BCAP29: variants seen among roughly 807,000 people sequenced by gnomAD.
The protein encoded by BCAP29 is B-cell receptor-associated protein 29.
In BCAP29, 34 loss-of-function variants were observed where a neutral mutation model predicts 31.8. The ratio of observed to expected loss-of-function variants is 1.07; its 90% CI spans 0.81 to 1.42. The LOEUF (loss-of-function observed/expected upper bound fraction) is 1.42. BCAP29 is among the 40% of genes most tolerant of loss of function. The pLI is 0.00. For missense variants in BCAP29, 314 were observed against 269.2 expected, an observed-to-expected ratio of 1.17 and a Z score of -1.16; for synonymous variants, 104 against 91.3, an observed-to-expected ratio of 1.14 and a Z score of -0.79.
intron 6 of BCAP29, among the ~76,000 whole-genome samples, chr7:107,608,211 A>T (rs74917300): frequency 0.024 from 3,593 of 152,194 alleles, 140 homozygotes; most frequent in African/African-American, 0.081. Flanking sequence ...AAAAAAAAAA[A>T]AATAAGAAAG....
intron 6 of BCAP29, among the ~76,000 whole-genome samples, chr7:107,604,513 AAAAT>A (rs1370176089): frequency 6.6e-6 from 1 of 152,184 alleles, no homozygotes. Context: ...TATTCATCTA[AAAAT>A]AAATTCTAAG....
rs1290487022 is a variant in BCAP29, at chr7:107,619,952, C to T, written c.*1589C>T. The T allele has an allele frequency of 1.3e-5, 2 of 152,072 alleles. No individual in the cohort carries two copies. Among genetic ancestry groups the T allele is most frequent in the Non-Finnish European group, 2.9e-5 (2 of 68,030 alleles). The allele number at this position is 152,072 out of a possible 1,614,324, so 9.4% of individuals were successfully genotyped here. A position where few individuals can be genotyped will look rare whatever the true frequency, so the allele number is the denominator to read the frequency against. On this transcript the variant is annotated 3_prime_UTR_variant, in exon 8 of 8. Coordinates refer to ENST00000005259, the MANE Select transcript of BCAP29 (RefSeq NM_018844.4). The stretch of plus-strand genomic sequence containing the variant: ...AGCCTAGGCCTCTATTTCCTTGTCT[C>T]CAAAATGAGAATAATAAAATTTAGG...
rs1471860265 is a variant in BCAP29 at position 107,619,927 on chromosome 7, A to T, written c.*1564A>T. ...GCTTTATCACTTATTTAGCCATGCT[A>T]GCCTAGGCCTCTATTTCCTTGTCTC... On this transcript the variant is annotated 3_prime_UTR_variant, in exon 8 of 8. Transcript: ENST00000005259. The T allele has an allele frequency of 6.6e-6, 1 of 152,228 alleles. No individual in the cohort carries two copies. Among genetic ancestry groups the T allele is most frequent in the Non-Finnish European group, 1.5e-5 (1 of 68,036 alleles). 9.4% of individuals were successfully genotyped at this position (152,228 alleles called of 1,614,324 possible).
Position 107,580,787 on chromosome 7 carries a change from G to A in BCAP29, c.15G>A (p.Trp5Ter). Residue 5 changes from tryptophan (W) to a stop codon, truncating the protein, a stop_gained, in exon 2 of 8, where the codon TGG (tryptophan) becomes TGA (stop). Coordinates refer to ENST00000005259, the MANE Select transcript of BCAP29 (RefSeq NM_018844.4). LOFTEE classifies it high-confidence loss of function. The stretch of plus-strand genomic sequence containing the variant: ...TGAAGAAAAAAATGACACTCCAATG[G>A]GCTGCAGTGGCAACCTTTCTTTATG... MTLQ[W>*]AAVATFLYAE... is the part of the protein sequence containing the mutation. The A allele has an allele frequency of 1.3e-6, 2 of 1,598,778 alleles. No individual in the cohort carries two copies. Among genetic ancestry groups the A allele is most frequent in the Non-Finnish European group, 8.5e-7 (1 of 1,173,856 alleles).
chr7:107,581,849 GA>G (rs1806731893), intron 2 of BCAP29, among the ~76,000 whole-genome samples: 2 of 151,952 alleles, frequency 1.3e-5, no homozygotes, highest in African/African-American at 4.8e-5. Context: ...TCTTACTAAA[GA>G]AAAAAAATTG....
downstream of BCAP29, chr7:107,622,070 C>T (rs527685278): frequency 3.9e-5 from 17 of 431,496 alleles, no homozygotes; most frequent in African/African-American, 3.5e-4. Context: ...TTTTCTCCTT[C>T]AACTGTATTT....
At chr7:107,603,349 A>G (rs557246680) in intron 6 of BCAP29, 1 of 152,294 alleles carries the variant, frequency 6.6e-6, no homozygotes, top group African/African-American at 2.4e-5. Context: ...AATATCGTTT[A>G]AAAAGTGATT....
Position 107,613,405 on chromosome 7 carries a change from A to G in BCAP29, c.663A>G (p.Gln221=), listed in dbSNP as rs1813580997. 26 of 1,611,604 alleles carry G rather than the reference A, an allele frequency of 1.6e-5. No individual in the cohort carries two copies. Among genetic ancestry groups the G allele is most frequent in the Non-Finnish European group, 2.1e-5 (25 of 1,178,082 alleles). ...QSERLSKEYD[Q]LLKEHSELQD... is the part of the protein sequence containing the mutation. ...AGAGACTTTCGAAAGAATATGATCAACTCCTGAAAGAACACTCTGAACTTC... is the reference window on the plus strand; with the variant it reads ...AGAGACTTTCGAAAGAATATGATCAGCTCCTGAAAGAACACTCTGAACTTC... The change falls in exon 7 of 8, where the codon CAA becomes CAG. Residue 221 remains glutamine (Q), a synonymous_variant. Coordinates refer to ENST00000005259, the MANE Select transcript of BCAP29 (RefSeq NM_018844.4).
chr7:107,591,119 A>ATTAAAGAAG (rs150195720), intron 3 of BCAP29, among the ~76,000 whole-genome samples: 3,816 of 152,288 alleles, frequency 0.025, 156 homozygotes, highest in African/African-American at 0.087. Flanking sequence ...GCTGAAAGAA[A>ATTAAAGAAG]ATCAAAATAA....
intron 3 of BCAP29, among the ~76,000 whole-genome samples, chr7:107,591,656 A>ACACACACACACACACACACCCC: frequency 7.3e-6 from 1 of 136,076 alleles, no homozygotes; most frequent in Non-Finnish European, 1.6e-5. Flanking sequence ...ACACACACAC[A>ACACACACACACACACACACCCC]CCCTATTGGT....
rs532494541 is a variant in BCAP29, at chr7:107,596,051, A to C, written c.480+49A>C. 37 of 1,469,628 alleles carry C rather than the reference A, an allele frequency of 2.5e-5. 2 individuals carry two copies. In the South Asian group the frequency reaches 5.2e-4, roughly 21 times the overall value. The allele number at this position is 1,469,628 out of a possible 1,614,324, so 91.0% of individuals were successfully genotyped here. ...TTAAATGTTGTTGGTGTTCCCGAGG[A>C]GTAATGTATTTGTTTTCAGCATCAA... On this transcript the variant is annotated intron_variant, in intron 5 of 7. Coordinates refer to ENST00000005259, the MANE Select transcript of BCAP29 (RefSeq NM_018844.4).
intron 3 of BCAP29, among the ~76,000 whole-genome samples, chr7:107,590,066 AAAT>A (rs1357442004): frequency 1.3e-5 from 2 of 152,222 alleles, no homozygotes; most frequent in African/African-American, 4.8e-5. Context: ...GGAAATTAGA[AAAT>A]ATTTTAACTG....
chr7:107,608,280 A>G lies in BCAP29; in HGVS notation c.590-5052A>G, dbSNP rs147265117. 2.5e-3 allele frequency among the ~76,000 whole-genome samples: 387 copies of G among 152,066 alleles called. 3 individuals are homozygous for G. Among genetic ancestry groups the G allele is most frequent in the African/African-American group, 8.6e-3 (357 of 41,528 alleles). ...ATCTGTGTAAATTGTTTGGAATTCT[A>G]CACAGATTTGTCTGTTGTCTACCAT... On this transcript the variant is annotated intron_variant, in intron 6 of 7. Coordinates refer to ENST00000005259, the MANE Select transcript of BCAP29 (RefSeq NM_018844.4).
intron 3 of BCAP29, 149 bp from the exon 4 acceptor site, chr7:107,593,806 G>A (rs573744328): frequency 6.5e-5 from 43 of 661,184 alleles, no homozygotes; most frequent in Admixed American, 9.8e-5. Context: ...AAAAGTTCCC[G>A]GGTACTGTAG....
Position 107,595,928 on chromosome 7 carries a change from G to A in BCAP29, c.406G>A (p.Val136Ile). 1.3e-6 allele frequency: 2 copies of A among 1,598,574 alleles called. No homozygotes were observed. The highest frequency in any genetic ancestry group is 1.7e-6 in the Non-Finnish European group (2 of 1,174,908). Residue 136 changes from valine to isoleucine, a missense_variant, in exon 5 of 8, where the codon GTA (valine) becomes ATA (isoleucine). Val to Ile is a conservative substitution (Grantham distance 29). Coordinates refer to ENST00000005259, the MANE Select transcript of BCAP29 (RefSeq NM_018844.4). ...QLAKELSNKG[V>I]LKTQAENTNK... ...GGCAAAAGAACTGTCAAACAAAGGT[G>A]TACTTAAAACTCAAGCAGAAAATAC... is the stretch of plus-strand genomic sequence containing the variant.
rs1371314989 is a variant in BCAP29 at position 107,580,767 on chromosome 7, A to G, written c.-6A>G. Reference sequence around the variant, plus strand: ...AGTGTTTTTCCATTTAGGTGTGAAGAAAAAAATGACACTCCAATGGGCTGC... The same window carrying G: ...AGTGTTTTTCCATTTAGGTGTGAAGGAAAAAATGACACTCCAATGGGCTGC... On this transcript the variant is annotated 5_prime_UTR_variant, in exon 2 of 8. Coordinates refer to ENST00000005259, the MANE Select transcript of BCAP29 (RefSeq NM_018844.4). 15 of 1,591,188 alleles carry G rather than the reference A, an allele frequency of 9.4e-6. No homozygotes were observed. The East Asian group carries it at 3.2e-4, about 34-fold the overall frequency.
At chr7:107,606,766 A>G (rs1415148584) in intron 6 of BCAP29, among the ~76,000 whole-genome samples, 1 of 152,222 alleles carries the variant, frequency 6.6e-6, no homozygotes, top group African/African-American at 2.4e-5. Context: ...GATTTAAGAA[A>G]TTAGCATGTT....
chr7:107,609,508 G>A (rs1812753326), intron 6 of BCAP29, among the ~76,000 whole-genome samples: 1 of 152,196 alleles, frequency 6.6e-6, no homozygotes, highest in Non-Finnish European at 1.5e-5. Flanking sequence ...GAACTTAACA[G>A]CTATCAACAA....
At chr7:107,610,443 A>C (rs1435774637) in intron 6 of BCAP29, among the ~76,000 whole-genome samples, 1 of 152,194 alleles carries the variant, frequency 6.6e-6, no homozygotes. Flanking sequence ...CATGTCAGAT[A>C]ACAAGTTTAT....
Sources: allele counts gnomAD v4.1 joint callset (sites outside exome capture counted in the v4.1 genomes callset), GRCh38; gene constraint gnomAD v4.1.1; transcripts MANE v1.5; gene names NCBI Gene and HGNC (gene_info 2026-07-23, HGNC 2026-07-21).